The following SNTG1 variants were observed in gnomAD, a reference collection of about 807,000 sequenced individuals.
SNTG1 encodes gamma-1-syntrophin.
Under a neutral mutation model 74.7 loss-of-function variants are expected in SNTG1, and 39 were observed. That is an observed-to-expected ratio of 0.52 (90% CI 0.40 to 0.68). The LOEUF (loss-of-function observed/expected upper bound fraction) is 0.68, where lower values mean the gene tolerates loss of function less well. Among genes scored for constraint, SNTG1 ranks in the 30% least tolerant of loss-of-function variants. The pLI, the probability that SNTG1 is intolerant of heterozygous loss-of-function variation, is 0.00. For missense variants in SNTG1, 685 were observed against 609.5 expected (o/e 1.12, Z -1.30); for synonymous variants, 254 against 217.1 (o/e 1.17, Z -1.49).
At chr8:50,351,310 C>T (rs888944146) in intron 2 of SNTG1, among the ~76,000 whole-genome samples, 5 of 152,162 alleles carry the variant, frequency 3.3e-5, no homozygotes, top group African/African-American at 1.2e-4. Context: ...TTTGATGGAA[C>T]ACTTCTACAC....
chr8:50,616,547 A>AGCAGGCAGGAAGCCACAGGCAG (rs1181957782), intron 13 of SNTG1, among the ~76,000 whole-genome samples: 1 of 152,242 alleles, frequency 6.6e-6, no homozygotes, highest in South Asian at 2.1e-4. Flanking sequence ...AGGAAGCACG[A>AGCAGGCAGGAAGCCACAGGCAG]GCAGGCAGGA....
At chr8:50,093,291 G>A (rs2079807814) in intron 1 of SNTG1, among the ~76,000 whole-genome samples, 1 of 152,082 alleles carries the variant, frequency 6.6e-6, no homozygotes, top group Admixed American at 6.6e-5. Context: ...CAATCTTACT[G>A]AGATATAATT....
intron 13 of SNTG1, among the ~76,000 whole-genome samples, chr8:50,646,906 T>C (rs2095112826): frequency 1.3e-5 from 2 of 151,750 alleles, no homozygotes. Context: ...AGCCAAGAAA[T>C]AAAGTCAAAC....
At chr8:49,929,251 G>A (rs915822395) in intron 1 of SNTG1, among the ~76,000 whole-genome samples, 1 of 152,168 alleles carries the variant, frequency 6.6e-6, no homozygotes, top group South Asian at 2.1e-4. Flanking sequence ...GGAGAGGAAA[G>A]GATGAAAGCA....
At chr8:50,122,406 G>T (rs2081026605) in intron 1 of SNTG1, among the ~76,000 whole-genome samples, 1 of 140,968 alleles carries the variant, frequency 7.1e-6, no homozygotes. Flanking sequence ...CAGTAGATTT[G>T]CGAGGCCTGG....
chr8:49,948,150 A>C (rs1354341565), intron 1 of SNTG1, among the ~76,000 whole-genome samples: 1 of 152,158 alleles, frequency 6.6e-6, no homozygotes, highest in Non-Finnish European at 1.5e-5. Flanking sequence ...AATGAAAAAA[A>C]TAAGAAAAAA....
chr8:50,281,779 T>C (rs1023515059), intron 2 of SNTG1, among the ~76,000 whole-genome samples: 2 of 152,216 alleles, frequency 1.3e-5, no homozygotes, highest in African/African-American at 4.8e-5. Flanking sequence ...AAATTAAAAG[T>C]AGTCTCACTA....
chr8:50,229,343 A>G (rs2085497205), intron 2 of SNTG1, among the ~76,000 whole-genome samples: 1 of 151,590 alleles, frequency 6.6e-6, no homozygotes, highest in African/African-American at 2.4e-5. Context: ...ATGCTGATAC[A>G]CTATCAGAAA....
intron 18 of SNTG1, among the ~76,000 whole-genome samples, chr8:50,785,688 T>A (rs1484407843): frequency 2.0e-5 from 3 of 152,000 alleles, no homozygotes; most frequent in African/African-American, 4.8e-5. Context: ...ATTAGCTTCA[T>A]AGCAAAACCA....
At chr8:50,688,242 C>A (rs1265823745) in intron 15 of SNTG1, among the ~76,000 whole-genome samples, 1 of 152,158 alleles carries the variant, frequency 6.6e-6, no homozygotes, top group Non-Finnish European at 1.5e-5. Context: ...TTTTGCTGTG[C>A]AGAAGCTCTT....
At chr8:49,939,884 C>T (rs892986273) in intron 1 of SNTG1, among the ~76,000 whole-genome samples, 3 of 152,112 alleles carry the variant, frequency 2.0e-5, no homozygotes, top group African/African-American at 7.2e-5. Flanking sequence ...CCGAGAGCAT[C>T]TCTTTTCTGC....
At position 50,649,293 on chromosome 8, in the gene SNTG1, T is replaced by C. The variant is rs549834849; in HGVS notation, c.850-7616T>C. Among the ~76,000 whole-genome samples, 6 of 152,014 alleles carry C rather than the reference T, an allele frequency of 3.9e-5. No individual in the cohort carries two copies. In the South Asian group the frequency reaches 8.3e-4, roughly 21 times the overall value. On this transcript the variant is annotated intron_variant, in intron 13 of 18. Coordinates refer to ENST00000642720, the MANE Select transcript of SNTG1 (RefSeq NM_018967.5). ...TGGGTGAATAACTTGAGGTCAGGAG[T>C]GCAAGACCAGCCTGGCCAACATGGT...
chr8:50,067,991 A>G (rs554288444), intron 1 of SNTG1, among the ~76,000 whole-genome samples: 1 of 152,280 alleles, frequency 6.6e-6, no homozygotes, highest in South Asian at 2.1e-4. Flanking sequence ...ACGTCCAGGC[A>G]CACCCAAACA....
At chr8:50,587,361 A>G (rs2094657132) in intron 12 of SNTG1, among the ~76,000 whole-genome samples, 2 of 152,154 alleles carry the variant, frequency 1.3e-5, no homozygotes, top group African/African-American at 4.8e-5. Flanking sequence ...GGTAAATATC[A>G]CCATAAGCAT....
chr8:50,669,851 G>C (rs1191007380), intron 15 of SNTG1, among the ~76,000 whole-genome samples: 1 of 152,054 alleles, frequency 6.6e-6, no homozygotes, highest in Non-Finnish European at 1.5e-5. Context: ...CCATGATCAA[G>C]TGGGCTTCAT....
chr8:50,378,315 C>T (rs1010878826), intron 2 of SNTG1, among the ~76,000 whole-genome samples: 8 of 152,186 alleles, frequency 5.3e-5, no homozygotes, highest in Admixed American at 6.5e-5. Context: ...ATGCCAGGAA[C>T]CACAGGGCCC....
intron 1 of SNTG1, among the ~76,000 whole-genome samples, chr8:50,021,154 C>A (rs1031773453): frequency 6.6e-6 from 1 of 152,150 alleles, no homozygotes; most frequent in South Asian, 2.1e-4. Context: ...CAGAGCTAAT[C>A]CCACTCAATA....
chr8:50,664,718 G>T (rs1191990402), intron 15 of SNTG1, among the ~76,000 whole-genome samples: 5 of 152,136 alleles, frequency 3.3e-5, no homozygotes, highest in Non-Finnish European at 7.3e-5. Flanking sequence ...CAGGAGTACA[G>T]TTGCAATGAT....
intron 13 of SNTG1, among the ~76,000 whole-genome samples, chr8:50,596,227 C>T (rs2094726188): frequency 6.6e-6 from 1 of 151,842 alleles, no homozygotes; most frequent in Non-Finnish European, 1.5e-5. Flanking sequence ...TTTTCATGTG[C>T]TTATTTGACA....
Sources: allele counts gnomAD v4.1 joint callset (sites outside exome capture counted in the v4.1 genomes callset), GRCh38; gene constraint gnomAD v4.1.1; transcripts MANE v1.5; gene names NCBI Gene and HGNC (gene_info 2026-07-23, HGNC 2026-07-21).